MEAK7: variants seen among roughly 807,000 people sequenced by gnomAD.
MEAK7 encodes the protein MTOR associated protein MEAK7.
In MEAK7, 68 loss-of-function variants were observed where a neutral mutation model predicts 40.5. The observed-to-expected ratio is 1.68, with a 90% CI of 1.38 to 2.06. MEAK7 has a LOEUF of 2.06. Among genes scored for constraint, MEAK7 ranks in the 30% most tolerant of loss-of-function variants. The probability of loss-of-function intolerance (pLI) is 0.00; values close to 1 mark genes in which losing one functional copy is unlikely to be tolerated. For missense variants in MEAK7, 918 were observed against 580.5 expected (o/e 1.58, Z -5.98); for synonymous variants, 338 against 231.9 (o/e 1.46, Z -4.16).
At chr16:84,490,498 T>A (rs958890333) in intron 3 of MEAK7, among the ~76,000 whole-genome samples, 1 of 137,224 alleles carries the variant, frequency 7.3e-6, no homozygotes, top group Non-Finnish European at 1.5e-5. Flanking sequence ...AGCCTGAGTT[T>A]GGTTCCTACA....
chr16:84,484,908 A>C (rs1024096057), intron 5 of MEAK7, among the ~76,000 whole-genome samples: 1 of 152,220 alleles, frequency 6.6e-6, no homozygotes, highest in Non-Finnish European at 1.5e-5. Flanking sequence ...CACATGCTTC[A>C]GCAAGATTAA....
chr16:84,495,025 T>A (rs951798944), intron 3 of MEAK7, among the ~76,000 whole-genome samples: 1 of 152,148 alleles, frequency 6.6e-6, no homozygotes, highest in Non-Finnish European at 1.5e-5. Context: ...TCCTACCACT[T>A]TGGGAGGCCA....
intron 6 of MEAK7, among the ~76,000 whole-genome samples, chr16:84,482,376 G>A (rs1912637520): frequency 6.6e-6 from 1 of 152,184 alleles, no homozygotes; most frequent in Admixed American, 6.5e-5. Context: ...CCACTGAGAA[G>A]CCCCAGCAGA....
At chr16:84,492,461 A>T (rs1370769879) in intron 3 of MEAK7, among the ~76,000 whole-genome samples, 2 of 152,140 alleles carry the variant, frequency 1.3e-5, no homozygotes, top group African/African-American at 2.4e-5. Context: ...CTCTCTCAAA[A>T]AAATAAAGGT....
At chr16:84,495,244 G>A (rs1451935710) in intron 3 of MEAK7, among the ~76,000 whole-genome samples, 3 of 152,284 alleles carry the variant, frequency 2.0e-5, no homozygotes, top group East Asian at 3.9e-4. Context: ...ACTCCAGCCT[G>A]GGTGACAGAT....
At chr16:84,484,038 C>A (rs387367) in intron 5 of MEAK7, among the ~76,000 whole-genome samples, 1 of 152,006 alleles carries the variant, frequency 6.6e-6, no homozygotes, top group Non-Finnish European at 1.5e-5. Context: ...CCCGTCTGCA[C>A]TGCCCCCGCC....
At chr16:84,494,096 A>G (rs1364738260) in intron 3 of MEAK7, among the ~76,000 whole-genome samples, 1 of 152,228 alleles carries the variant, frequency 6.6e-6, no homozygotes, top group Non-Finnish European at 1.5e-5. Context: ...CAGACTCCTT[A>G]AGGAAAAGTT....
chr16:84,494,886 A>G (rs751944240), intron 3 of MEAK7: 24 of 437,578 alleles, frequency 5.5e-5, no homozygotes, highest in Admixed American at 3.0e-4. Flanking sequence ...TCACTCTGCC[A>G]AAAGGAAAAA....
chr16:84,497,623 T>C lies in MEAK7; in HGVS notation c.153+311A>G. On this transcript the variant is annotated intron_variant, in intron 2 of 7. Coordinates refer to ENST00000343629, the MANE Select transcript of MEAK7 (RefSeq NM_020947.4). ...ATGTCCCCAAATGTCGTGTGAATCATTCATTATCTACTCCAGGTTCCTTTC... is the reference window on the plus strand; with the variant it reads ...ATGTCCCCAAATGTCGTGTGAATCACTCATTATCTACTCCAGGTTCCTTTC... 3 of 1,360,718 alleles carry C rather than the reference T, an allele frequency of 2.2e-6. 1 individual carries two copies. The highest frequency in any genetic ancestry group is 4.0e-4 in the Middle Eastern group (2 of 5,030). The allele number at this position is 1,360,718 out of a possible 1,614,324, so 84.3% of individuals were successfully genotyped here.
At chr16:84,480,816 G>C (rs1912472715) in intron 6 of MEAK7, 108 bp from the exon 7 acceptor site, 1 of 1,258,770 alleles carries the variant, frequency 7.9e-7, no homozygotes, top group African/African-American at 1.5e-5. Flanking sequence ...TGAGACAGGG[G>C]CGGGTGAGTG....
rs1429409956 is a variant in MEAK7, at chr16:84,480,041, A to G, written c.1258-15T>C. ...TTGCCCTTGGCCTTGAGAAGAGAAGAAAGGGTGGGTGTGTTCCATGATGGC... is the reference window on the plus strand; with the variant it reads ...TTGCCCTTGGCCTTGAGAAGAGAAGGAAGGGTGGGTGTGTTCCATGATGGC... On this transcript the variant is annotated splice_polypyrimidine_tract_variant and intron_variant, in intron 7 of 7. Transcript: ENST00000343629. 1 of 1,579,662 alleles carries G rather than the reference A, an allele frequency of 6.3e-7. No homozygotes were observed. Among genetic ancestry groups the G allele is most frequent in the Non-Finnish European group, 8.6e-7 (1 of 1,156,170 alleles).
At chr16:84,487,307 G>C in intron 4 of MEAK7, 3 of 474,348 alleles carry the variant, frequency 6.3e-6, no homozygotes, top group Admixed American at 7.9e-5. Context: ...ATTGTATTTA[G>C]GACATATTAT....
chr16:84,501,601 C>T (rs927955524), intron 1 of MEAK7, among the ~76,000 whole-genome samples: 6 of 152,080 alleles, frequency 3.9e-5, no homozygotes, highest in African/African-American at 1.4e-4. Context: ...CAGGAGATGA[C>T]AGGAAAGGCT....
chr16:84,495,974 G>T, intron 2 of MEAK7, 61 bp from the exon 3 acceptor site: 1 of 1,570,314 alleles, frequency 6.4e-7, no homozygotes. Context: ...TGGTTACTAG[G>T]AGTTATTATT....
chr16:84,495,224 G>A (rs1359817205), intron 3 of MEAK7, among the ~76,000 whole-genome samples: 6 of 152,104 alleles, frequency 3.9e-5, no homozygotes, highest in South Asian at 2.1e-4. Flanking sequence ...AGTCAAGATC[G>A]CGCCACTCAA....
chr16:84,489,655 G>A (rs1423228434), intron 3 of MEAK7, among the ~76,000 whole-genome samples: 2 of 152,060 alleles, frequency 1.3e-5, no homozygotes, highest in African/African-American at 2.4e-5. Flanking sequence ...ACAGTATTGG[G>A]GTTTAGGACT....
intron 1 of MEAK7, among the ~76,000 whole-genome samples, chr16:84,501,894 C>T (rs1042575723): frequency 6.6e-6 from 1 of 152,208 alleles, no homozygotes; most frequent in African/African-American, 2.4e-5. Context: ...CCTGTAATCC[C>T]AGCACTTTGG....
intron 3 of MEAK7, among the ~76,000 whole-genome samples, chr16:84,493,327 A>G (rs406563): frequency 0.82 from 124,397 of 152,162 alleles, 52,763 homozygotes; most frequent in Non-Finnish European, 0.94. Flanking sequence ...AGAACTCTGA[A>G]GAGTACTCTT....
At chr16:84,499,627 C>T (rs947222712) in intron 1 of MEAK7, among the ~76,000 whole-genome samples, 2 of 152,200 alleles carry the variant, frequency 1.3e-5, no homozygotes, top group Non-Finnish European at 2.9e-5. Context: ...TCATCACCCT[C>T]GGAGAAAACC....
Sources: allele counts gnomAD v4.1 joint callset (sites outside exome capture counted in the v4.1 genomes callset), GRCh38; gene constraint gnomAD v4.1.1; transcripts MANE v1.5; gene names NCBI Gene and HGNC (gene_info 2026-07-23, HGNC 2026-07-21).